The following DFFB variants were observed in gnomAD, a reference collection of about 807,000 sequenced individuals.
The protein encoded by DFFB is DNA fragmentation factor 40 kDa subunit.
In DFFB, 29 loss-of-function variants were observed where a neutral mutation model predicts 32.7. The ratio of observed to expected loss-of-function variants is 0.89; its 90% CI spans 0.66 to 1.21. The LOEUF (loss-of-function observed/expected upper bound fraction) is 1.21. DFFB is among the 50% of genes most tolerant of loss of function. The probability of loss-of-function intolerance (pLI) is 0.00; values close to 1 mark genes in which losing one functional copy is unlikely to be tolerated. For synonymous variants in DFFB, 170 were observed against 177.1 expected (o/e 0.96, Z 0.32); for missense variants, 398 against 440.6 (o/e 0.90, Z 0.87).
At position 3,869,754 on chromosome 1, in the gene DFFB, G is replaced by T; in HGVS notation, c.660G>T (p.Pro220=). 1.2e-6 allele frequency: 2 copies of T among 1,606,632 alleles called. No homozygotes were observed. The highest frequency in any genetic ancestry group is 3.3e-4 in the Middle Eastern group (2 of 6,034). ...AGGGCGGCAGCCGCCTCTGCACACC[G>T]GAAGGCTGGTTCTCCTGCCAGGTGA... ...GAKGGSRLCT[P]EGWFSCQGPF... is the part of the protein sequence containing the mutation. The change falls in exon 5 of 7, where the codon CCG becomes CCT. Residue 220 remains proline (P), a synonymous_variant. Transcript: ENST00000378209.
intron 6 of DFFB, among the ~76,000 whole-genome samples, chr1:3,872,795 C>T (rs988081563): frequency 1.3e-5 from 2 of 152,212 alleles, no homozygotes; most frequent in Non-Finnish European, 2.9e-5. Context: ...CCTCCACTGT[C>T]AGCATGTGTA....
chr1:3,864,517 T>C (rs1321927765), intron 2 of DFFB, among the ~76,000 whole-genome samples: 1 of 152,076 alleles, frequency 6.6e-6, no homozygotes, highest in Non-Finnish European at 1.5e-5. Context: ...CTAACAATGC[T>C]GACTATCTGA....
chr1:3,865,720 G>A lies in DFFB; in HGVS notation c.242-92G>A, dbSNP rs1475821526. The A allele has an allele frequency of 6.3e-7, 1 of 1,598,082 alleles. No homozygotes were observed. The highest frequency in any genetic ancestry group is 1.7e-5 in the Admixed American group (1 of 59,974). On this transcript the variant is annotated intron_variant, in intron 2 of 6. Coordinates refer to ENST00000378209, the MANE Select transcript of DFFB (RefSeq NM_004402.4). The surrounding 1 kb of genome is among the most constrained non-coding windows in gnomAD (Gnocchi z 4.7). ...TGGTGATTGCCAGGCCCTGGGGAAT[G>A]GGGGAAGATGTGGTCAGAGGCTCTT...
chr1:3,877,522 G>A (rs1321735552), intron 6 of DFFB, among the ~76,000 whole-genome samples: 1 of 151,812 alleles, frequency 6.6e-6, no homozygotes, highest in Non-Finnish European at 1.5e-5. Context: ...TAGAGACGGG[G>A]TTTCACCATG....
rs1638320406 is a variant in DFFB at position 3,884,736 on chromosome 1, A to G, written c.*995A>G. On this transcript the variant is annotated 3_prime_UTR_variant, in exon 7 of 7. Coordinates refer to ENST00000378209, the MANE Select transcript of DFFB (RefSeq NM_004402.4). ...CAGGCACCTACCACCAGGGCCAGCTAATTTTTGTATGTTTAGTAGAAACGG... is the reference window on the plus strand; with the variant it reads ...CAGGCACCTACCACCAGGGCCAGCTGATTTTTGTATGTTTAGTAGAAACGG... 1 of 151,946 alleles carries G rather than the reference A, an allele frequency of 6.6e-6. No individual in the cohort carries two copies. The highest frequency in any genetic ancestry group is 2.4e-5 in the African/African-American group (1 of 41,322). The allele number at this position is 151,946 out of a possible 1,614,324, so 9.4% of individuals were successfully genotyped here. A position where few individuals can be genotyped will look rare whatever the true frequency, so the allele number is the denominator to read the frequency against.
intron 4 of DFFB, among the ~76,000 whole-genome samples, 198 bp from the exon 5 acceptor site, chr1:3,869,407 C>T (rs900757843): frequency 6.6e-6 from 1 of 152,206 alleles, no homozygotes; most frequent in Non-Finnish European, 1.5e-5. Flanking sequence ...GGTGTGGTTC[C>T]CTCCATTTCA....
intron 6 of DFFB, among the ~76,000 whole-genome samples, chr1:3,879,274 G>C (rs1474133969): frequency 6.6e-6 from 1 of 152,170 alleles, no homozygotes; most frequent in Non-Finnish European, 1.5e-5. Context: ...GATTCTGCCT[G>C]TGCGGTTTTC....
In DFFB at chr1:3,865,512, G is replaced by C; in HGVS notation, c.242-300G>C. On this transcript the variant is annotated intron_variant, in intron 2 of 6. Transcript: ENST00000378209. The surrounding 1 kb of genome is among the most constrained non-coding windows in gnomAD (Gnocchi z 4.7). ...GTCTCCAGGAAGGGCCAAAGTGGGG[G>C]GCGTATGGTTTGGAGGGGAGGAGGC... 3.7e-6 allele frequency: 2 copies of C among 537,944 alleles called. No individual in the cohort carries two copies. Among genetic ancestry groups the C allele is most frequent in the African/African-American group, 3.8e-5 (2 of 52,510 alleles). 33.3% of individuals were successfully genotyped at this position (537,944 alleles called of 1,614,324 possible). A position where few individuals can be genotyped will look rare whatever the true frequency, so the allele number is the denominator to read the frequency against.
chr1:3,860,359 T>G (rs1041587254), intron 2 of DFFB: 1 of 354,318 alleles, frequency 2.8e-6, no homozygotes, highest in African/African-American at 2.1e-5. Flanking sequence ...CCCAAGTATC[T>G]GGGACCACAG....
chr1:3,868,825 C>G (rs182610746), intron 4 of DFFB, among the ~76,000 whole-genome samples: 1 of 152,270 alleles, frequency 6.6e-6, no homozygotes, highest in Non-Finnish European at 1.5e-5. Context: ...TCGGCCCCCA[C>G]GCCCTCGGCC....
intron 3 of DFFB, among the ~76,000 whole-genome samples, chr1:3,867,433 T>G (rs531425708): frequency 6.6e-6 from 1 of 152,356 alleles, no homozygotes; most frequent in South Asian, 2.1e-4. Context: ...GCTGAGAGAT[T>G]GTAGCCTTTT....
chr1:3,868,678 C>A (rs112024591), intron 4 of DFFB, among the ~76,000 whole-genome samples: 2,039 of 11,568 alleles, frequency 0.18, 28 homozygotes, highest in Middle Eastern at 0.31. Context: ...CACCACACCA[C>A]GCCACACCAC....
chr1:3,871,708 A>G (rs1645116388), intron 5 of DFFB, among the ~76,000 whole-genome samples: 1 of 152,230 alleles, frequency 6.6e-6, no homozygotes, highest in Non-Finnish European at 1.5e-5. Flanking sequence ...TCGCATTGCT[A>G]TAAAGAAATA....
At chr1:3,864,490 A>G (rs1254330447) in intron 2 of DFFB, among the ~76,000 whole-genome samples, 1 of 152,046 alleles carries the variant, frequency 6.6e-6, no homozygotes, top group Non-Finnish European at 1.5e-5. Flanking sequence ...TGCCCTTAAT[A>G]TGCATTTCCC....
In DFFB at chr1:3,865,719, T is replaced by C. The variant is rs774210099; in HGVS notation, c.242-93T>C. 6.3e-7 allele frequency: 1 copy of C among 1,594,358 alleles called. No individual in the cohort carries two copies. The highest frequency in any genetic ancestry group is 1.3e-5 in the African/African-American group (1 of 74,478). ...CTGGTGATTGCCAGGCCCTGGGGAATGGGGGAAGATGTGGTCAGAGGCTCT... is the reference window on the plus strand; with the variant it reads ...CTGGTGATTGCCAGGCCCTGGGGAACGGGGGAAGATGTGGTCAGAGGCTCT... On this transcript the variant is annotated intron_variant, in intron 2 of 6. Transcript: ENST00000378209. The surrounding 1 kb of genome is among the most constrained non-coding windows in gnomAD (Gnocchi z 4.7).
chr1:3,880,747 C>CGCTTGGGCCTGGAGCTT (rs1479850962), intron 6 of DFFB, among the ~76,000 whole-genome samples: 2 of 151,476 alleles, frequency 1.3e-5, no homozygotes, highest in Non-Finnish European at 2.9e-5. Context: ...GCCTGGAGCT[C>CGCTTGGGCCTGGAGCTT]GCTTGGGCCT....
intron 2 of DFFB, among the ~76,000 whole-genome samples, chr1:3,864,302 G>T (rs557852056): frequency 6.6e-6 from 1 of 152,080 alleles, no homozygotes; most frequent in Non-Finnish European, 1.5e-5. Context: ...ATTATAAGGA[G>T]TGTGAATTAT....
intron 6 of DFFB, among the ~76,000 whole-genome samples, chr1:3,878,176 G>C (rs538593540): frequency 9.4e-4 from 141 of 150,678 alleles, no homozygotes; most frequent in African/African-American, 3.4e-3. Context: ...TTTTGAGACG[G>C]AGTCTTGCTG....
At chr1:3,867,281 A>G (rs1382764093) in intron 3 of DFFB, among the ~76,000 whole-genome samples, 2 of 151,558 alleles carry the variant, frequency 1.3e-5, no homozygotes, top group Non-Finnish European at 2.9e-5. Context: ...TACATACCCC[A>G]CTCTGTCCAT....
Sources: gnomAD v4.1 joint callset for allele counts (sites outside exome capture counted in the v4.1 genomes callset) on GRCh38, gnomAD v4.1.1 for gene constraint, Gnocchi (gnomAD v3.1) non-coding constraint, MANE v1.5 for transcripts, NCBI Gene and HGNC (gene_info 2026-07-23, HGNC 2026-07-21) for gene names.